RNF213: variants seen among roughly 807,000 people sequenced by gnomAD.
The protein encoded by RNF213 is E3 ubiquitin-protein ligase RNF213.
In RNF213, 341 loss-of-function variants were observed where a neutral mutation model predicts 514.4. The observed-to-expected ratio is 0.66, with a 90% CI of 0.61 to 0.73. The LOEUF (loss-of-function observed/expected upper bound fraction) is 0.73. Ranked by LOEUF, RNF213 falls within the 30% of genes least tolerant of loss-of-function variation. The pLI is 0.00. For missense variants in RNF213, 5,767 were observed against 6,615.6 expected, an observed-to-expected ratio of 0.87 and a Z score of 4.45; for synonymous variants, 2,655 against 2,658.2, an observed-to-expected ratio of 1.00 and a Z score of 0.04.
At chr17:80,290,762 C>G in intron 7 of RNF213, 34 bp downstream of exon 7, 1 of 1,613,122 alleles carries the variant, frequency 6.2e-7, no homozygotes, top group Non-Finnish European at 8.5e-7. Flanking sequence ...AGGAATCCCT[C>G]AGGGAAGGCA....
chr17:80,313,458 TA>T (rs1394333032), intron 15 of RNF213, among the ~76,000 whole-genome samples: 4 of 11,730 alleles, frequency 3.4e-4, no homozygotes, highest in African/African-American at 1.3e-3. Context: ...GTGGTGGTGG[TA>T]GAGGTGATGG....
At position 80,377,611 on chromosome 17, in the gene RNF213, T is replaced by C. The variant is rs769454577; in HGVS notation, c.13511-151T>C. The C allele has an allele frequency of 1.0e-4, 84 of 809,660 alleles. No individual in the cohort carries two copies. Among genetic ancestry groups the C allele is most frequent in the Non-Finnish European group, 1.6e-4 (71 of 448,616 alleles). 50.2% of individuals were successfully genotyped at this position (809,660 alleles called of 1,614,324 possible). ...ACATTTATTAAGCTTCAGGCAGGTG[T>C]CATGTAACTTAACAAATTAGCGTGG... On this transcript the variant is annotated intron_variant, in intron 53 of 67. Transcript: ENST00000582970. The surrounding 1 kb of genome is among the most constrained non-coding windows in gnomAD (Gnocchi z 4.1).
At chr17:80,330,460 T>C (rs2046384333) in intron 20 of RNF213, among the ~76,000 whole-genome samples, 1 of 152,186 alleles carries the variant, frequency 6.6e-6, no homozygotes, top group Admixed American at 6.5e-5. Context: ...TGGGCCTGGC[T>C]GCCAGGTTTC....
chr17:80,355,637 G>A (rs183142237), intron 36 of RNF213, among the ~76,000 whole-genome samples: 4,793 of 19,734 alleles, frequency 0.24, 1,444 homozygotes, highest in Non-Finnish European at 0.28. Context: ...GGGCTTACAG[G>A]GGAAGAAGCG....
At chr17:80,372,855 C>A in intron 48 of RNF213, 120 bp from the exon 49 acceptor site, 1 of 1,353,804 alleles carries the variant, frequency 7.4e-7, no homozygotes, top group Non-Finnish European at 1.0e-6. Context: ...ATCCCCTCTC[C>A]CCTGGATGTG....
chr17:80,333,437 T>C (rs1236612903), intron 21 of RNF213, among the ~76,000 whole-genome samples: 1 of 149,530 alleles, frequency 6.7e-6, no homozygotes, highest in Non-Finnish European at 1.5e-5. Flanking sequence ...CTCATGCCTG[T>C]AATCCCAGCA....
intron 50 of RNF213, 112 bp from the exon 51 acceptor site, chr17:80,375,647 GA>G (rs1464626367): frequency 4.1e-5 from 31 of 752,300 alleles, no homozygotes; most frequent in Non-Finnish European, 6.7e-5. Context: ...AGGTTGCAGT[GA>G]GCCGAGATCA....
chr17:80,329,293 T>A (rs1225280379), intron 20 of RNF213, among the ~76,000 whole-genome samples: 1 of 152,262 alleles, frequency 6.6e-6, no homozygotes, highest in East Asian at 1.9e-4. Flanking sequence ...TAAAGATGTC[T>A]GTCCTCTTAC....
At chr17:80,326,969 GC>G (rs1437056976) in intron 18 of RNF213, among the ~76,000 whole-genome samples, 2 of 152,118 alleles carry the variant, frequency 1.3e-5, no homozygotes, top group African/African-American at 4.8e-5. Context: ...TAAAAATTCT[GC>G]CCTCTAAATT....
At chr17:80,351,125 A>G (rs2078495145) in intron 31 of RNF213, among the ~76,000 whole-genome samples, 1 of 152,260 alleles carries the variant, frequency 6.6e-6, no homozygotes, top group Non-Finnish European at 1.5e-5. Context: ...AATCTCAACA[A>G]GAAACTGGCT....
intron 14 of RNF213, among the ~76,000 whole-genome samples, chr17:80,311,782 T>C (rs1405694800): frequency 6.6e-6 from 1 of 152,156 alleles, no homozygotes; most frequent in Non-Finnish European, 1.5e-5. Flanking sequence ...GTATCCAGGT[T>C]CTGTGGCTCC....
At chr17:80,364,841 G>A (rs932692691) in intron 42 of RNF213, 11 of 412,878 alleles carry the variant, frequency 2.7e-5, no homozygotes, top group African/African-American at 1.2e-4. Flanking sequence ...TGAAACCTTC[G>A]GCAGGGATTA....
chr17:80,269,672 CCATT>C (rs768260231), intron 2 of RNF213, among the ~76,000 whole-genome samples: 5 of 152,280 alleles, frequency 3.3e-5, no homozygotes, highest in East Asian at 1.9e-4. Flanking sequence ...ATCCATCCAT[CCATT>C]CATCTGTTCT....
Position 80,348,003 on chromosome 17 carries a change from C to G in RNF213, c.9668C>G (p.Ser3223Trp), listed in dbSNP as rs567658257. The change falls in exon 29 of 68, where the codon TCG (serine) becomes TGG (tryptophan). Residue 3223 changes from serine to tryptophan, a missense_variant. By Grantham distance (177) the Ser-to-Trp change is radical (BLOSUM62 -3). Coordinates refer to ENST00000582970, the MANE Select transcript of RNF213 (RefSeq NM_001256071.3). ...TCTGACGTCTTCATCGGCTACCACT[C>G]GGACGCCTGCGCGTCTGTGGTGCTG... is the stretch of plus-strand genomic sequence containing the variant. ...SPSDVFIGYHSDACASVVLQV... is the reference protein window; with the variant it reads ...SPSDVFIGYHWDACASVVLQV... The G allele has an allele frequency of 1.5e-5, 25 of 1,614,216 alleles. No individual in the cohort carries two copies. Among genetic ancestry groups the G allele is most frequent in the Non-Finnish European group, 2.1e-5 (25 of 1,180,034 alleles).
In RNF213 at chr17:80,263,148, C is replaced by T. The variant is rs965488403; in HGVS notation, c.-108-426C>T. Among the ~76,000 whole-genome samples, 1 of 152,170 alleles carries T rather than the reference C, an allele frequency of 6.6e-6. No individual in the cohort carries two copies. The highest frequency in any genetic ancestry group is 1.5e-5 in the Non-Finnish European group (1 of 68,022). ...AGGGCAGGTGGTCAGTGCAGAGTGG[C>T]GCGCTTTGTGGATGGCAGCCTCCCC... On this transcript the variant is annotated intron_variant, in intron 1 of 67. Coordinates refer to ENST00000582970, the MANE Select transcript of RNF213 (RefSeq NM_001256071.3). The surrounding 1 kb of genome is among the most constrained non-coding windows in gnomAD (Gnocchi z 4.9).
Position 80,397,754 on chromosome 17 carries a change from G to A in RNF213, c.*4256G>A, listed in dbSNP as rs2080692804. The A allele has an allele frequency of 6.6e-6, 1 of 151,386 alleles. No homozygotes were observed. The highest frequency in any genetic ancestry group is 6.6e-5 in the Admixed American group (1 of 15,136). 9.4% of individuals were successfully genotyped at this position (151,386 alleles called of 1,614,324 possible). A position where few individuals can be genotyped will look rare whatever the true frequency, so the allele number is the denominator to read the frequency against. ...GCCCTTCTTTAACTCGTGTCTGAGG[G>A]GTTTTCTCTGCAGCTTGTCCTGCTA... On this transcript the variant is annotated 3_prime_UTR_variant, in exon 68 of 68. Coordinates refer to ENST00000582970, the MANE Select transcript of RNF213 (RefSeq NM_001256071.3).
Position 80,367,985 on chromosome 17 carries a change from C to T in RNF213, c.11997C>T (p.Ile3999=), listed in dbSNP as rs748912687. The change falls in exon 44 of 68, where the codon ATC becomes ATT. Residue 3999 remains isoleucine, a synonymous_variant. Coordinates refer to ENST00000582970, the MANE Select transcript of RNF213 (RefSeq NM_001256071.3). ...GGTTTGGGATTCAGCCGTGCTCCATCTGCCTGGGAGATGCAAAGGACCCCG... is the reference window on the plus strand; with the variant it reads ...GGTTTGGGATTCAGCCGTGCTCCATTTGCCTGGGAGATGCAAAGGACCCCG... ...LSRFGIQPCS[I]CLGDAKDPVC... 6.2e-7 allele frequency: 1 copy of T among 1,614,264 alleles called. No homozygotes were observed. The highest frequency in any genetic ancestry group is 8.5e-7 in the Non-Finnish European group (1 of 1,180,052).
In RNF213 at chr17:80,373,241, ACCCTCACACCCTAC is replaced by A. The variant is rs1454291059; in HGVS notation, c.12942+80_12942+93del. On this transcript the variant is annotated intron_variant, in intron 49 of 67. Transcript: ENST00000582970. ...ACACCCCAAACCCACACACCCCCCTACCCTCACACCCTACCCCCCCCACACCCCACCCCCTCACA... is the reference window on the plus strand; with the variant it reads ...ACACCCCAAACCCACACACCCCCCTACCCCCCCACACCCCACCCCCTCACA... The A allele has an allele frequency of 1.0e-5, 11 of 1,072,382 alleles. No individual in the cohort carries two copies. In the African/African-American group the frequency reaches 2.9e-4, roughly 29 times the overall value. 66.4% of individuals were successfully genotyped at this position (1,072,382 alleles called of 1,614,324 possible). A position where few individuals can be genotyped will look rare whatever the true frequency, so the allele number is the denominator to read the frequency against.
chr17:80,364,332 C>T, intron 41 of RNF213, 101 bp from the exon 42 acceptor site: 1 of 1,553,316 alleles, frequency 6.4e-7, no homozygotes, highest in South Asian at 1.1e-5. Context: ...TGGGCCTGGA[C>T]CCCGGGTCCC....
Sources: gnomAD v4.1 joint callset for allele counts (sites outside exome capture counted in the v4.1 genomes callset) on GRCh38, gnomAD v4.1.1 for gene constraint, Gnocchi (gnomAD v3.1) non-coding constraint, MANE v1.5 for transcripts, NCBI Gene and HGNC (gene_info 2026-07-23, HGNC 2026-07-21) for gene names.